ITGA9: variants seen among roughly 807,000 people sequenced by gnomAD.
ITGA9 encodes the protein integrin subunit alpha 9, also known as integrin alpha-9.
A neutral mutation model predicts 127.8 loss-of-function variants in ITGA9; 56 were observed. The observed-to-expected ratio is 0.44, with a 90% CI of 0.35 to 0.55. The LOEUF (loss-of-function observed/expected upper bound fraction) is 0.55. ITGA9 is among the 20% of genes least tolerant of loss of function. The probability of loss-of-function intolerance (pLI) is 0.00; values close to 1 mark genes in which losing one functional copy is unlikely to be tolerated. For missense variants in ITGA9, 1,196 were observed against 1,347.1 expected, an observed-to-expected ratio of 0.89 and a Z score of 1.76; for synonymous variants, 508 against 514.5, an observed-to-expected ratio of 0.99 and a Z score of 0.17.
intron 18 of ITGA9, among the ~76,000 whole-genome samples, chr3:37,731,749 CT>C (rs1337867708): frequency 6.6e-6 from 1 of 152,014 alleles, no homozygotes; most frequent in Non-Finnish European, 1.5e-5. Context: ...CTTTTATCAC[CT>C]TTATTTTTGG....
intron 15 of ITGA9, among the ~76,000 whole-genome samples, chr3:37,595,899 T>TTC (rs1310640267): frequency 6.6e-6 from 1 of 152,314 alleles, no homozygotes; most frequent in East Asian, 1.9e-4. Flanking sequence ...TTTGTGTGTC[T>TTC]CAGCATGGCA....
rs1442386766 is a variant in ITGA9, at chr3:37,728,526, A to G, written c.2068-4186A>G. Among the ~76,000 whole-genome samples the G allele has an allele frequency of 3.3e-5, 5 of 152,210 alleles. No homozygotes were observed. In the East Asian group the frequency reaches 9.6e-4, roughly 29 times the overall value. ...TGCTTTTTAAGGTTATGCCCTGGGC[A>G]TGATCTGAAACCAGGAGAACAAAGT... On this transcript the variant is annotated intron_variant, in intron 18 of 27. Coordinates refer to ENST00000264741, the MANE Select transcript of ITGA9 (RefSeq NM_002207.3).
chr3:37,813,218 G>A (rs750677730), intron 27 of ITGA9, among the ~76,000 whole-genome samples: 42 of 152,176 alleles, frequency 2.8e-4, no homozygotes, highest in Admixed American at 4.6e-4. Context: ...AACTACAGGT[G>A]CTCCTTGACT....
At chr3:37,538,229 A>G (rs1478669798) in intron 14 of ITGA9, among the ~76,000 whole-genome samples, 3 of 152,236 alleles carry the variant, frequency 2.0e-5, no homozygotes, top group African/African-American at 7.2e-5. Context: ...TCACAGCTGA[A>G]ATCTTGTTCT....
chr3:37,740,897 T>C (rs9840828), intron 20 of ITGA9, among the ~76,000 whole-genome samples: 1 of 151,988 alleles, frequency 6.6e-6, no homozygotes, highest in Non-Finnish European at 1.5e-5. Context: ...TCTACCCCCA[T>C]AGACTTGCTA....
chr3:37,777,863 A>G (rs1345397008), intron 24 of ITGA9, among the ~76,000 whole-genome samples: 1 of 152,226 alleles, frequency 6.6e-6, no homozygotes, highest in African/African-American at 2.4e-5. Flanking sequence ...TGTGTATCCT[A>G]TGACACAGCC....
At chr3:37,679,998 A>G (rs183875295) in intron 17 of ITGA9, among the ~76,000 whole-genome samples, 134 of 152,204 alleles carry the variant, frequency 8.8e-4, no homozygotes, top group African/African-American at 3.2e-3. Flanking sequence ...GGGAGGATTT[A>G]TTTCACCTAG....
In ITGA9 at chr3:37,490,974, G is replaced by GC. The variant is rs1335083511; in HGVS notation, c.545-3526dup. 1.4e-4 allele frequency among the ~76,000 whole-genome samples: 17 copies of GC among 121,860 alleles called. 4 individuals carry two copies. Among genetic ancestry groups the GC allele is most frequent in the South Asian group, 1.2e-3 (4 of 3,340 alleles). The allele number at this position is 121,860 out of a possible 152,430, so 79.9% of individuals were successfully genotyped here. ...GGGTCTCAGATTTGGCTTCCCCCCC[G>GC]CTTTTTTTTTTTTTTTTTTTGAGAC... On this transcript the variant is annotated intron_variant, in intron 4 of 27. Transcript: ENST00000264741.
chr3:37,512,160 T>C (rs1178165039), intron 8 of ITGA9, among the ~76,000 whole-genome samples: 1 of 22,956 alleles, frequency 4.4e-5, no homozygotes, highest in African/African-American at 1.4e-4. Context: ...TTTTCTTTTC[T>C]TTTCTTTTCT....
intron 15 of ITGA9, among the ~76,000 whole-genome samples, chr3:37,549,703 C>T (rs181698092): frequency 1.1e-4 from 17 of 152,304 alleles, no homozygotes; most frequent in African/African-American, 4.1e-4. Flanking sequence ...TCATTATAAG[C>T]ATGATTCCCT....
At chr3:37,782,131 C>A (rs1696982676) in intron 25 of ITGA9, among the ~76,000 whole-genome samples, 1 of 152,242 alleles carries the variant, frequency 6.6e-6, no homozygotes, top group Admixed American at 6.5e-5. Flanking sequence ...GTCCGCAGGC[C>A]AGGCTGGAGG....
At chr3:37,643,549 C>T (rs1048460701) in intron 16 of ITGA9, among the ~76,000 whole-genome samples, 16 of 152,100 alleles carry the variant, frequency 1.1e-4, no homozygotes, top group Non-Finnish European at 2.9e-5. Context: ...CTTCTGAAAC[C>T]CTTTTTAGAA....
intron 23 of ITGA9, among the ~76,000 whole-genome samples, chr3:37,759,077 CCACACACACACA>C (rs10565669): frequency 3.5e-4 from 51 of 146,090 alleles, no homozygotes; most frequent in Non-Finnish European, 3.0e-5. Context: ...ATATATATAC[CCACACACACACA>C]CACACACACA....
chr3:37,577,380 C>T (rs1222221733), intron 15 of ITGA9, among the ~76,000 whole-genome samples: 1 of 152,162 alleles, frequency 6.6e-6, no homozygotes, highest in Non-Finnish European at 1.5e-5. Context: ...TGCTGTTGGC[C>T]TCATCTGAGC....
intron 15 of ITGA9, among the ~76,000 whole-genome samples, chr3:37,594,450 G>C (rs1252016863): frequency 1.3e-5 from 2 of 152,156 alleles, no homozygotes; most frequent in Non-Finnish European, 2.9e-5. Flanking sequence ...ATATTTGACA[G>C]TGAGGAGCAG....
At chr3:37,739,776 G>A (rs1180363263) in intron 20 of ITGA9, among the ~76,000 whole-genome samples, 5 of 152,174 alleles carry the variant, frequency 3.3e-5, no homozygotes, top group African/African-American at 9.7e-5. Flanking sequence ...GGCCTGAGCC[G>A]GCCAAACAAA....
intron 18 of ITGA9, among the ~76,000 whole-genome samples, chr3:37,692,300 G>A (rs1700839568): frequency 6.6e-6 from 1 of 152,042 alleles, no homozygotes; most frequent in African/African-American, 2.4e-5. Context: ...GGGGGAAGAG[G>A]AAAATAAGGC....
At chr3:37,517,169 G>A (rs1255625028) in intron 9 of ITGA9, among the ~76,000 whole-genome samples, 2 of 152,206 alleles carry the variant, frequency 1.3e-5, no homozygotes, top group Middle Eastern at 3.2e-3. Flanking sequence ...TTAAGGACGT[G>A]GAGAGCACAT....
At chr3:37,573,887 A>G (rs1053492248) in intron 15 of ITGA9, among the ~76,000 whole-genome samples, 1 of 152,064 alleles carries the variant, frequency 6.6e-6, no homozygotes, top group African/African-American at 2.4e-5. Context: ...TATTCCATCT[A>G]TCTCTGAACT....
Sources: allele counts gnomAD v4.1 joint callset (sites outside exome capture counted in the v4.1 genomes callset), GRCh38; gene constraint gnomAD v4.1.1; transcripts MANE v1.5; gene names NCBI Gene and HGNC (gene_info 2026-07-23, HGNC 2026-07-21).